The following PCDH9 variants were observed in gnomAD, a reference collection of about 807,000 sequenced individuals.
PCDH9 encodes the protein protocadherin 9, also known as protocadherin-9.
Under a neutral mutation model 70.6 loss-of-function variants are expected in PCDH9, and 24 were observed. The ratio of observed to expected loss-of-function variants is 0.34; its 90% CI spans 0.25 to 0.48. The LOEUF (loss-of-function observed/expected upper bound fraction) is 0.48, where lower values mean the gene tolerates loss of function less well. PCDH9 is among the 20% of genes least tolerant of loss of function. The pLI is 0.99. For missense variants in PCDH9, 1,281 were observed against 1,503.6 expected, an observed-to-expected ratio of 0.85 and a Z score of 2.45; for synonymous variants, 562 against 558.5, an observed-to-expected ratio of 1.01 and a Z score of -0.09.
In PCDH9 at chr13:66,339,238, C is replaced by A. The variant is rs563458158; in HGVS notation, c.3341-34210G>T. Among the ~76,000 whole-genome samples the A allele has an allele frequency of 1.9e-3, 259 of 133,054 alleles. 1 individual carries two copies. Among genetic ancestry groups the A allele is most frequent in the African/African-American group, 5.4e-3 (218 of 40,000 alleles). The allele number at this position is 133,054 out of a possible 152,430, so 87.3% of individuals were successfully genotyped here. A position where few individuals can be genotyped will look rare whatever the true frequency, so the allele number is the denominator to read the frequency against. On this transcript the variant is annotated intron_variant, in intron 4 of 4. Transcript: ENST00000377865. ...TCTGTAGTAATGAGAACAACAACAA[C>A]AAAAAAACAGTATTACTTTATTTTT...
At chr13:66,507,381 A>G (rs904538631) in intron 4 of PCDH9, among the ~76,000 whole-genome samples, 14 of 152,178 alleles carry the variant, frequency 9.2e-5, no homozygotes, top group African/African-American at 3.4e-4. Flanking sequence ...AAATCACAAA[A>G]TAATAATTTA....
chr13:66,997,940 T>C (rs955969460), intron 2 of PCDH9, among the ~76,000 whole-genome samples: 3 of 152,254 alleles, frequency 2.0e-5, no homozygotes, highest in African/African-American at 7.2e-5. Flanking sequence ...CATGAAACAC[T>C]AGAATAGAGG....
At chr13:66,729,435 CCA>C (rs1428169004) in intron 3 of PCDH9, among the ~76,000 whole-genome samples, 1 of 152,110 alleles carries the variant, frequency 6.6e-6, no homozygotes, top group Non-Finnish European at 1.5e-5. Flanking sequence ...TATTTTGCTT[CCA>C]GAGACATGTT....
At chr13:66,791,903 T>C (rs1014400429) in intron 3 of PCDH9, among the ~76,000 whole-genome samples, 1 of 152,150 alleles carries the variant, frequency 6.6e-6, no homozygotes, top group African/African-American at 2.4e-5. Context: ...TACATTGCAT[T>C]ATGCACACAA....
At chr13:66,932,374 A>G (rs2082825720) in intron 2 of PCDH9, among the ~76,000 whole-genome samples, 1 of 152,146 alleles carries the variant, frequency 6.6e-6, no homozygotes, top group Non-Finnish European at 1.5e-5. Flanking sequence ...GGAGTCCTCC[A>G]TAATTCTTTA....
In PCDH9 at chr13:66,343,826, G is replaced by T. The variant is rs148995175; in HGVS notation, c.3341-38798C>A. Among the ~76,000 whole-genome samples, 476 of 152,242 alleles carry T rather than the reference G, an allele frequency of 3.1e-3. 1 individual carries two copies. The highest frequency in any genetic ancestry group is 0.011 in the African/African-American group (441 of 41,542). On this transcript the variant is annotated intron_variant, in intron 4 of 4. Coordinates refer to ENST00000377865, the MANE Select transcript of PCDH9 (RefSeq NM_203487.3). ...GTGGGAACGGGGGGCATTGCCTACT[G>T]CTTTAGATTTGGAAAGGGCTGAGGA...
intron 3 of PCDH9, among the ~76,000 whole-genome samples, chr13:66,875,716 T>A (rs2081795255): frequency 6.6e-6 from 1 of 152,356 alleles, no homozygotes; most frequent in East Asian, 1.9e-4. Flanking sequence ...TAAAAAGTAA[T>A]CTTTCTCTAG....
chr13:66,879,697 G>C (rs1355926733), intron 3 of PCDH9, among the ~76,000 whole-genome samples: 1 of 152,004 alleles, frequency 6.6e-6, no homozygotes, highest in Non-Finnish European at 1.5e-5. Flanking sequence ...ACAAAAAATG[G>C]CTCTACTTAT....
rs371002596 is a variant in PCDH9, at chr13:66,709,857, T to C, written c.3139-78446A>G. Among the ~76,000 whole-genome samples, 11 of 152,120 alleles carry C rather than the reference T, an allele frequency of 7.2e-5. No homozygotes were observed. In the East Asian group the frequency reaches 1.9e-3, roughly 27 times the overall value. ...TTAACAGAGTCAGGGAGGATTCAAA[T>C]TTGAGATCTCCCATCATTTAAGAAG... On this transcript the variant is annotated intron_variant, in intron 3 of 4. Coordinates refer to ENST00000377865, the MANE Select transcript of PCDH9 (RefSeq NM_203487.3).
At chr13:67,032,703 T>G (rs745397946) in intron 2 of PCDH9, among the ~76,000 whole-genome samples, 2 of 152,178 alleles carry the variant, frequency 1.3e-5, no homozygotes, top group African/African-American at 4.8e-5. Flanking sequence ...ATTATAACCA[T>G]GAAGCATTTG....
intron 2 of PCDH9, among the ~76,000 whole-genome samples, chr13:67,067,899 A>G (rs1451234429): frequency 2.0e-5 from 3 of 152,048 alleles, no homozygotes; most frequent in African/African-American, 7.2e-5. Flanking sequence ...AGATCCGGTA[A>G]AGGTCTGGCA....
intron 3 of PCDH9, among the ~76,000 whole-genome samples, chr13:66,870,035 CT>C (rs1476973969): frequency 6.6e-6 from 1 of 152,082 alleles, no homozygotes; most frequent in Non-Finnish European, 1.5e-5. Flanking sequence ...AGGTTTTCTT[CT>C]AGGGTTTTTA....
chr13:66,539,455 T>C (rs1477956422), intron 4 of PCDH9, among the ~76,000 whole-genome samples: 1 of 151,944 alleles, frequency 6.6e-6, no homozygotes, highest in Admixed American at 6.6e-5. Context: ...TATAGGGCCT[T>C]TCCCCCTTTT....
chr13:66,985,723 C>T (rs964034818), intron 2 of PCDH9: 2 of 151,964 alleles, frequency 1.3e-5, no homozygotes, highest in Non-Finnish European at 2.9e-5. Flanking sequence ...GATAACTAAT[C>T]TTCTCTCAAC....
chr13:66,447,996 A>G (rs1958130245), intron 4 of PCDH9, among the ~76,000 whole-genome samples: 1 of 152,162 alleles, frequency 6.6e-6, no homozygotes. Context: ...GTTGTCATTT[A>G]TGCCTTAATC....
At chr13:66,317,501 T>G (rs1593789816) in intron 4 of PCDH9, among the ~76,000 whole-genome samples, 2 of 152,200 alleles carry the variant, frequency 1.3e-5, no homozygotes, top group East Asian at 3.8e-4. Flanking sequence ...AAAATATAAT[T>G]AGGTTGTTTT....
At chr13:66,896,133 T>C (rs915423269) in intron 3 of PCDH9, among the ~76,000 whole-genome samples, 1 of 152,154 alleles carries the variant, frequency 6.6e-6, no homozygotes, top group African/African-American at 2.4e-5. Context: ...GAAGAAAGAA[T>C]TGGCAGAATG....
chr13:66,385,996 T>TTA (rs1956922066), intron 4 of PCDH9, among the ~76,000 whole-genome samples: 1 of 129,150 alleles, frequency 7.7e-6, no homozygotes, highest in African/African-American at 2.7e-5. Flanking sequence ...ACGTATCTGA[T>TTA]AAAAAAAAAA....
intron 4 of PCDH9, among the ~76,000 whole-genome samples, chr13:66,406,804 A>T (rs950811572): frequency 6.6e-6 from 1 of 152,226 alleles, no homozygotes; most frequent in Non-Finnish European, 1.5e-5. Context: ...TAATGACAGC[A>T]AGATGCATAT....
Sources: gnomAD v4.1 joint callset for allele counts (sites outside exome capture counted in the v4.1 genomes callset) on GRCh38, gnomAD v4.1.1 for gene constraint, MANE v1.5 for transcripts, NCBI Gene and HGNC (gene_info 2026-07-23, HGNC 2026-07-21) for gene names.